Variants in BCAS3 observed in about 807,000 individuals in gnomAD.
BCAS3 encodes the protein BCAS3 microtubule associated cell migration factor, also known as BCAS4/BCAS3 fusion.
BCAS3 carries 53 observed loss-of-function variants against 116.1 expected under a neutral mutation model. The ratio of observed to expected loss-of-function variants is 0.46; its 90% CI spans 0.37 to 0.57. The LOEUF (loss-of-function observed/expected upper bound fraction) is 0.57. Ranked by LOEUF, BCAS3 falls within the 20% of genes least tolerant of loss-of-function variation. BCAS3 has a pLI of 0.00. For synonymous variants in BCAS3, 391 were observed against 408.2 expected, an observed-to-expected ratio of 0.96 and a Z score of 0.51; for missense variants, 917 against 1,165.4, an observed-to-expected ratio of 0.79 and a Z score of 3.10.
At position 61,180,213 on chromosome 17, in the gene BCAS3, G is replaced by A. The variant is rs1006720947; in HGVS notation, c.2425+95649G>A. Among the ~76,000 whole-genome samples the A allele has an allele frequency of 6.6e-5, 10 of 152,144 alleles. No homozygotes were observed. Among genetic ancestry groups the A allele is most frequent in the South Asian group, 4.1e-4 (2 of 4,822 alleles). ...CGATTAAAAGCTCAGAGAAGCTGTC[G>A]TACATTTTTATATTAATCCCAAGAG... On this transcript the variant is annotated intron_variant, in intron 22 of 23. Coordinates refer to ENST00000407086, the MANE Select transcript of BCAS3 (RefSeq NM_017679.5). This position sits in a 1 kb window ranked among gnomAD's most constrained non-coding sequence, Gnocchi z 6.0.
intron 4 of BCAS3, among the ~76,000 whole-genome samples, chr17:60,690,879 C>T (rs1410571466): frequency 1.3e-5 from 2 of 152,042 alleles, no homozygotes; most frequent in African/African-American, 4.8e-5. Flanking sequence ...GAGATTGTGC[C>T]ACTGCATTCC....
rs142687402 is a variant in BCAS3 at position 61,103,721 on chromosome 17, C to T, written c.2425+19157C>T. Reference sequence around the variant, plus strand: ...TTTTTCTGTCTCTGTTTCAGTTTGTCCTGTTTCTATTGCTCCCTCACAGCA... The same window carrying T: ...TTTTTCTGTCTCTGTTTCAGTTTGTTCTGTTTCTATTGCTCCCTCACAGCA... On this transcript the variant is annotated intron_variant, in intron 22 of 23. Transcript: ENST00000407086. Among the ~76,000 whole-genome samples, 275 of 152,160 alleles carry T rather than the reference C, an allele frequency of 1.8e-3. 2 individuals are homozygous for T. Among genetic ancestry groups the T allele is most frequent in the Admixed American group, 0.014 (217 of 15,288 alleles).
intron 19 of BCAS3, among the ~76,000 whole-genome samples, chr17:61,053,325 T>A (rs2069059941): frequency 6.6e-6 from 1 of 152,146 alleles, no homozygotes; most frequent in African/African-American, 2.4e-5. Flanking sequence ...AGCCATGCAT[T>A]TGGGTTTAGA....
intron 6 of BCAS3, among the ~76,000 whole-genome samples, chr17:60,780,421 G>A (rs1367807084): frequency 1.3e-5 from 2 of 151,798 alleles, no homozygotes; most frequent in Non-Finnish European, 2.9e-5. Flanking sequence ...TCCTGCCTCA[G>A]CCTCCCCAGT....
chr17:61,076,847 C>T (rs1240767439), intron 20 of BCAS3, among the ~76,000 whole-genome samples: 1 of 152,146 alleles, frequency 6.6e-6, no homozygotes, highest in Non-Finnish European at 1.5e-5. Context: ...TCAATCTGAG[C>T]ATTTTTCTCC....
chr17:60,687,271 G>A (rs1352963482), intron 3 of BCAS3, among the ~76,000 whole-genome samples: 1 of 152,130 alleles, frequency 6.6e-6, no homozygotes, highest in Non-Finnish European at 1.5e-5. Flanking sequence ...CAGTGCTGGG[G>A]GAAAAGGAAA....
At chr17:61,059,539 T>C (rs937124999) in intron 19 of BCAS3, among the ~76,000 whole-genome samples, 3 of 152,200 alleles carry the variant, frequency 2.0e-5, no homozygotes, top group East Asian at 1.9e-4. Context: ...TGTGTGAGAA[T>C]GAATACCCTT....
chr17:60,788,328 T>C (rs1226352945), intron 6 of BCAS3, among the ~76,000 whole-genome samples: 1 of 152,204 alleles, frequency 6.6e-6, no homozygotes, highest in African/African-American at 2.4e-5. Context: ...AAGATCACTT[T>C]ACTCCTCTAT....
intron 22 of BCAS3, among the ~76,000 whole-genome samples, chr17:61,135,607 C>T (rs1168368053): frequency 6.6e-6 from 1 of 152,188 alleles, no homozygotes; most frequent in East Asian, 1.9e-4. Flanking sequence ...CATAGAAGGG[C>T]TTAGCAGACT....
Position 61,156,300 on chromosome 17 carries a change from G to A in BCAS3, c.2425+71736G>A, listed in dbSNP as rs2077835483. ...GAATTGAGCCTGGTAAAATTCCTTA[G>A]GTCTAAAACTGGAATCTCAGGCACC... On this transcript the variant is annotated intron_variant, in intron 22 of 23. Coordinates refer to ENST00000407086, the MANE Select transcript of BCAS3 (RefSeq NM_017679.5). This position sits in a 1 kb window ranked among gnomAD's most constrained non-coding sequence, Gnocchi z 4.7. 6.6e-6 allele frequency among the ~76,000 whole-genome samples: 1 copy of A among 152,050 alleles called. No homozygotes were observed. The highest frequency in any genetic ancestry group is 2.1e-4 in the South Asian group (1 of 4,822).
chr17:60,949,234 G>A (rs1014623484), intron 14 of BCAS3, among the ~76,000 whole-genome samples: 1 of 151,860 alleles, frequency 6.6e-6, no homozygotes, highest in East Asian at 1.9e-4. Context: ...TATTTCTAAG[G>A]TTTCTTATAC....
intron 14 of BCAS3, among the ~76,000 whole-genome samples, chr17:60,980,066 G>T (rs1365185502): frequency 6.6e-6 from 1 of 152,140 alleles, no homozygotes; most frequent in East Asian, 1.9e-4. Context: ...GTTTCAGAGG[G>T]AATGGTACCA....
chr17:60,804,866 A>C (rs2048126897), intron 6 of BCAS3, among the ~76,000 whole-genome samples: 2 of 151,968 alleles, frequency 1.3e-5, no homozygotes, highest in African/African-American at 2.4e-5. Flanking sequence ...TTAGTTATAT[A>C]GTCCTTTTTA....
At chr17:61,081,010 A>C (rs960456364) in intron 21 of BCAS3, among the ~76,000 whole-genome samples, 2 of 152,198 alleles carry the variant, frequency 1.3e-5, no homozygotes, top group Non-Finnish European at 2.9e-5. Flanking sequence ...TAATTGATTA[A>C]ATATGGTCTA....
intron 22 of BCAS3, among the ~76,000 whole-genome samples, chr17:61,102,804 T>C (rs2143674143): frequency 6.6e-6 from 1 of 152,228 alleles, no homozygotes; most frequent in Non-Finnish European, 1.5e-5. Flanking sequence ...CTTCTGGCCA[T>C]AGTTCAGGTA....
At chr17:61,350,414 C>CAATATATA (rs1555844781) in intron 22 of BCAS3, among the ~76,000 whole-genome samples, 1 of 136,722 alleles carries the variant, frequency 7.3e-6, no homozygotes, top group East Asian at 2.2e-4. Flanking sequence ...GACTCTGTCT[C>CAATATATA]AATAAATAAA....
chr17:60,963,071 T>C (rs2061486468), intron 14 of BCAS3, among the ~76,000 whole-genome samples: 1 of 152,202 alleles, frequency 6.6e-6, no homozygotes, highest in Non-Finnish European at 1.5e-5. Flanking sequence ...ATGTTTGGTT[T>C]CTCTAGTACG....
rs771113634 is a variant in BCAS3, at chr17:61,040,801, A to G, written c.1938A>G (p.Gln646=). 1.2e-6 allele frequency: 2 copies of G among 1,613,618 alleles called. No individual in the cohort carries two copies. The highest frequency in any genetic ancestry group is 8.5e-7 in the Non-Finnish European group (1 of 1,179,586). Residue 646 remains glutamine, a synonymous_variant, in exon 19 of 24, where the codon CAA becomes CAG. Coordinates refer to ENST00000407086, the MANE Select transcript of BCAS3 (RefSeq NM_017679.5). ...RASWTLVRTP[Q]WNELQPPFNA... Reference sequence around the variant, plus strand: ...TCTCCTGTTTCCTTAGAACCCCTCAATGGAATGAATTGCAGCCACCGTTTA... The same window carrying G: ...TCTCCTGTTTCCTTAGAACCCCTCAGTGGAATGAATTGCAGCCACCGTTTA...
chr17:60,885,932 C>A (rs1382471091), intron 9 of BCAS3, among the ~76,000 whole-genome samples: 3 of 143,114 alleles, frequency 2.1e-5, no homozygotes, highest in Non-Finnish European at 4.5e-5. Context: ...CTTGGAGTTG[C>A]TCTTCTCGAG....
Sources: gnomAD v4.1 joint callset for allele counts (sites outside exome capture counted in the v4.1 genomes callset) on GRCh38, gnomAD v4.1.1 for gene constraint, Gnocchi (gnomAD v3.1) non-coding constraint, MANE v1.5 for transcripts, NCBI Gene and HGNC (gene_info 2026-07-23, HGNC 2026-07-21) for gene names.